The following AIG1 variants were observed in gnomAD, a reference collection of about 807,000 sequenced individuals.
AIG1 encodes androgen-induced gene 1 protein.
A neutral mutation model predicts 31.4 loss-of-function variants in AIG1; 23 were observed. The ratio of observed to expected loss-of-function variants is 0.73; its 90% confidence interval spans 0.53 to 1.04. AIG1 has a LOEUF of 1.04. Ranked by LOEUF, AIG1 falls within the 50% of genes least tolerant of loss-of-function variation. The pLI is 0.00. For missense variants in AIG1, 274 were observed against 295.0 expected, an observed-to-expected ratio of 0.93 and a Z score of 0.52; for synonymous variants, 100 against 110.5, an observed-to-expected ratio of 0.90 and a Z score of 0.60.
Position 143,284,386 on chromosome 6 carries a change from T to G in AIG1, c.515+161T>G, listed in dbSNP as rs1437257470. Among the ~76,000 whole-genome samples the G allele has an allele frequency of 1.3e-5, 2 of 152,190 alleles. No individual in the cohort carries two copies. Among genetic ancestry groups the G allele is most frequent in the African/African-American group, 4.8e-5 (2 of 41,440 alleles). Reference sequence around the variant, plus strand: ...TCTCGTTTCCCCAGATGCTTATATTTTTAGAAAGTATATGCCAAACCTCAC... The same window carrying G: ...TCTCGTTTCCCCAGATGCTTATATTGTTAGAAAGTATATGCCAAACCTCAC... On this transcript the variant is annotated intron_variant, in intron 4 of 5. Coordinates refer to ENST00000357847, the MANE Select transcript of AIG1 (RefSeq NM_016108.4). The surrounding 1 kb of genome is among the most constrained non-coding windows in gnomAD (Gnocchi z 4.4).
Position 143,299,997 on chromosome 6 carries a change from C to T in AIG1, c.515+15772C>T, listed in dbSNP as rs1013267820. ...CTGTGAAACATCCACCGTGCACCACCACCGGGCTAGAATCTTATGGGCAAG... is the reference window on the plus strand; with the variant it reads ...CTGTGAAACATCCACCGTGCACCACTACCGGGCTAGAATCTTATGGGCAAG... On this transcript the variant is annotated intron_variant, in intron 4 of 5. Transcript: ENST00000357847. This position sits in a 1 kb window ranked among gnomAD's most constrained non-coding sequence, Gnocchi z 4.1. Among the ~76,000 whole-genome samples the T allele has an allele frequency of 6.6e-6, 1 of 152,182 alleles. No homozygotes were observed. Among genetic ancestry groups the T allele is most frequent in the Non-Finnish European group, 1.5e-5 (1 of 68,038 alleles).
chr6:143,334,226 G>A lies in AIG1; in HGVS notation c.679+781G>A, dbSNP rs1320503604. On this transcript the variant is annotated intron_variant, in intron 5 of 5. Coordinates refer to ENST00000357847, the MANE Select transcript of AIG1 (RefSeq NM_016108.4). This position sits in a 1 kb window ranked among gnomAD's most constrained non-coding sequence, Gnocchi z 5.1. ...GTCCTGCATGAAAATACATCCAAAG[G>A]CAAGATGGTTTGGAGATTTTAGGAA... The A allele has an allele frequency of 1.0e-5, 9 of 890,494 alleles. No individual in the cohort carries two copies. Among genetic ancestry groups the A allele is most frequent in the East Asian group, 5.7e-5 (2 of 34,874 alleles). The allele number at this position is 890,494 out of a possible 1,614,324, so 55.2% of individuals were successfully genotyped here.
chr6:143,340,785 A>G lies in AIG1; in HGVS notation c.*1109A>G, dbSNP rs1777827969. Among the ~76,000 whole-genome samples the G allele has an allele frequency of 6.6e-6, 1 of 152,162 alleles. No homozygotes were observed. The highest frequency in any genetic ancestry group is 2.1e-4 in the South Asian group (1 of 4,834). ...CCACAAAATTGTTTTTAAAAAAACTATTTTACAAAATCTTTGACCGTAATT... is the reference window on the plus strand; with the variant it reads ...CCACAAAATTGTTTTTAAAAAAACTGTTTTACAAAATCTTTGACCGTAATT... On this transcript the variant is annotated 3_prime_UTR_variant, in exon 6 of 6. Coordinates refer to ENST00000357847, the MANE Select transcript of AIG1 (RefSeq NM_016108.4).
intron 1 of AIG1, among the ~76,000 whole-genome samples, chr6:143,127,974 C>T (rs1161230890): frequency 1.3e-5 from 2 of 152,134 alleles, no homozygotes; most frequent in Non-Finnish European, 2.9e-5. Flanking sequence ...AGGCATGAGC[C>T]ACCACATCCA....
chr6:143,165,961 A>G (rs1223067694), intron 3 of AIG1, among the ~76,000 whole-genome samples: 1 of 152,204 alleles, frequency 6.6e-6, no homozygotes, highest in Non-Finnish European at 1.5e-5. Context: ...TTTTGGTTAC[A>G]GCAGTTTTTA....
chr6:143,263,817 A>G (rs1795971935), intron 3 of AIG1, among the ~76,000 whole-genome samples: 1 of 152,228 alleles, frequency 6.6e-6, no homozygotes, highest in Non-Finnish European at 1.5e-5. Flanking sequence ...ATGGTAGATT[A>G]TTAAGATTAT....
At chr6:143,243,972 C>G (rs1175340118) in intron 3 of AIG1, among the ~76,000 whole-genome samples, 2 of 152,184 alleles carry the variant, frequency 1.3e-5, no homozygotes, top group Non-Finnish European at 2.9e-5. Context: ...TCAGGCAGGT[C>G]CTTTCAAGCC....
intron 1 of AIG1, among the ~76,000 whole-genome samples, chr6:143,121,570 A>G (rs140822848): frequency 6.6e-6 from 1 of 152,212 alleles, no homozygotes; most frequent in Non-Finnish European, 1.5e-5. Context: ...AGCTATTTGG[A>G]GAAGCTATTA....
chr6:143,247,139 AT>A (rs34692750), intron 3 of AIG1, among the ~76,000 whole-genome samples: 80,738 of 150,048 alleles, frequency 0.54, 22,623 homozygotes, highest in East Asian at 0.86. Flanking sequence ...GGTGTCCAAG[AT>A]TTTTTTTTTT....
downstream of AIG1, chr6:143,342,957 CA>C: frequency 2.0e-6 from 2 of 984,472 alleles, no homozygotes; most frequent in Non-Finnish European, 3.3e-6. Flanking sequence ...GTATAGTGAA[CA>C]TTCTGGGTCA....
chr6:143,179,559 C>T (rs1296641871), intron 3 of AIG1, among the ~76,000 whole-genome samples: 1 of 152,170 alleles, frequency 6.6e-6, no homozygotes, highest in African/African-American at 2.4e-5. Flanking sequence ...CTGAAATCCA[C>T]AGGGCTTTCG....
At chr6:143,144,109 C>G (rs577356010) in intron 2 of AIG1, among the ~76,000 whole-genome samples, 2 of 152,170 alleles carry the variant, frequency 1.3e-5, no homozygotes, top group South Asian at 2.1e-4. Context: ...TATGCTAGCT[C>G]AGAGTGGTCA....
intron 3 of AIG1, among the ~76,000 whole-genome samples, chr6:143,191,975 A>G (rs1237224511): frequency 1.3e-5 from 2 of 152,216 alleles, no homozygotes; most frequent in Non-Finnish European, 2.9e-5. Flanking sequence ...AACTCTCCTC[A>G]TTCTGTTTTG....
intron 1 of AIG1, among the ~76,000 whole-genome samples, chr6:143,114,256 G>T (rs1428592931): frequency 6.6e-6 from 1 of 152,216 alleles, no homozygotes; most frequent in Non-Finnish European, 1.5e-5. Context: ...GGTGAAATAT[G>T]TAATGCTTGG....
chr6:143,089,294 A>G (rs568995596), intron 1 of AIG1, among the ~76,000 whole-genome samples: 6 of 152,174 alleles, frequency 3.9e-5, no homozygotes, highest in African/African-American at 9.7e-5. Flanking sequence ...ACATCTATTA[A>G]TACCTATGAT....
At chr6:143,277,608 A>G (rs1797033891) in intron 3 of AIG1, among the ~76,000 whole-genome samples, 1 of 152,354 alleles carries the variant, frequency 6.6e-6, no homozygotes, top group South Asian at 2.1e-4. Flanking sequence ...GATTTGATGC[A>G]CACATAACTG....
intron 3 of AIG1, among the ~76,000 whole-genome samples, chr6:143,165,982 C>T (rs1296931007): frequency 6.6e-6 from 1 of 152,056 alleles, no homozygotes; most frequent in African/African-American, 2.4e-5. Context: ...GAATATGTCC[C>T]AGGGTGTTCC....
At chr6:143,113,475 C>T (rs535689204) in intron 1 of AIG1, among the ~76,000 whole-genome samples, 24 of 151,386 alleles carry the variant, frequency 1.6e-4, no homozygotes, top group African/African-American at 4.4e-4. Flanking sequence ...TGGTGGCATG[C>T]GCCTGTAGTC....
intron 1 of AIG1, among the ~76,000 whole-genome samples, chr6:143,117,067 T>C (rs1562392409): frequency 6.6e-6 from 1 of 152,084 alleles, no homozygotes; most frequent in South Asian, 2.1e-4. Flanking sequence ...CAGGGTGTGC[T>C]TAAGTTATTG....
Sources: allele counts gnomAD v4.1 joint callset (sites outside exome capture counted in the v4.1 genomes callset), GRCh38; gene constraint gnomAD v4.1.1; non-coding constraint Gnocchi (gnomAD v3.1); transcripts MANE v1.5; gene names NCBI Gene and HGNC (gene_info 2026-07-23, HGNC 2026-07-21).